PPP2R2B: variants seen among roughly 807,000 people sequenced by gnomAD.
PPP2R2B encodes serine/threonine-protein phosphatase 2A 55 kDa regulatory subunit B beta isoform.
A neutral mutation model predicts 46.0 loss-of-function variants in PPP2R2B; 5 were observed. The ratio of observed to expected loss-of-function variants is 0.11; its 90% CI spans 0.06 to 0.23. The LOEUF (loss-of-function observed/expected upper bound fraction) is 0.23, where lower values mean the gene tolerates loss of function less well. Among genes scored for constraint, PPP2R2B ranks in the 10% least tolerant of loss-of-function variants. The probability of loss-of-function intolerance (pLI) is 1.00; values close to 1 mark genes in which losing one functional copy is unlikely to be tolerated. For synonymous variants in PPP2R2B, 215 were observed against 206.7 expected, an observed-to-expected ratio of 1.04 and a Z score of -0.34; for missense variants, 367 against 575.0, an observed-to-expected ratio of 0.64 and a Z score of 3.70.
intron 1 of PPP2R2B, among the ~76,000 whole-genome samples, chr5:146,888,990 G>T (rs1329102631): frequency 1.3e-5 from 2 of 152,148 alleles, no homozygotes; most frequent in African/African-American, 4.8e-5. Context: ...ATTTGGTTTT[G>T]GTTATTACAG....
intron 2 of PPP2R2B, among the ~76,000 whole-genome samples, chr5:146,861,892 CT>C (rs1352654978): frequency 6.6e-6 from 1 of 150,536 alleles, no homozygotes; most frequent in African/African-American, 2.5e-5. Flanking sequence ...TTTCATCCCC[CT>C]CATAGCCAAT....
chr5:146,992,269 A>G (rs1250124377), intron 1 of PPP2R2B, among the ~76,000 whole-genome samples: 1 of 152,238 alleles, frequency 6.6e-6, no homozygotes, highest in African/African-American at 2.4e-5. Context: ...TGGGAAAAGG[A>G]TAGTCTCTTA....
At chr5:146,983,581 T>C (rs1753287008) in intron 1 of PPP2R2B, among the ~76,000 whole-genome samples, 1 of 152,204 alleles carries the variant, frequency 6.6e-6, no homozygotes, top group African/African-American at 2.4e-5. Flanking sequence ...ATTTTCCCAG[T>C]TCTAGTAAAC....
At chr5:147,059,217 T>C (rs1454041698), upstream of PPP2R2B, among the ~76,000 whole-genome samples, 1 of 152,148 alleles carries the variant, frequency 6.6e-6, no homozygotes, top group Non-Finnish European at 1.5e-5. Flanking sequence ...AAGCCACATA[T>C]GGGCTATGAC....
intron 2 of PPP2R2B, chr5:146,707,052 TG>T (rs1779908911): frequency 8.9e-7 from 1 of 1,129,440 alleles, no homozygotes; most frequent in Non-Finnish European, 1.3e-6. Flanking sequence ...TCTCCGTCTC[TG>T]TACTCTTATT....
At chr5:146,833,175 A>G (rs576644961) in intron 2 of PPP2R2B, among the ~76,000 whole-genome samples, 3 of 152,244 alleles carry the variant, frequency 2.0e-5, no homozygotes, top group South Asian at 4.1e-4. Flanking sequence ...TCACTTCAAA[A>G]TGCCTTTAAT....
At chr5:147,081,206 A>G in intron 1 of PPP2R2B, 1 of 1,535,536 alleles carries the variant, frequency 6.5e-7, no homozygotes, top group Non-Finnish European at 8.7e-7. Context: ...GACCAACAAG[A>G]AAAGAAATAT....
chr5:146,968,834 GAATGTATAT>G (rs1184364835), intron 1 of PPP2R2B, among the ~76,000 whole-genome samples: 18 of 152,204 alleles, frequency 1.2e-4, no homozygotes, highest in African/African-American at 3.9e-4. Flanking sequence ...CGTACAACAT[GAATGTATAT>G]CATCTCAAAA....
At chr5:146,735,414 T>C (rs537902703) in intron 2 of PPP2R2B, among the ~76,000 whole-genome samples, 2 of 151,798 alleles carry the variant, frequency 1.3e-5, no homozygotes, top group Non-Finnish European at 2.9e-5. Flanking sequence ...AAAGGCATGG[T>C]ATATACTGAC....
At position 146,897,038 on chromosome 5, in the gene PPP2R2B, T is replaced by A. The variant is rs140340001; in HGVS notation, c.79+158627A>T. 1.9e-3 allele frequency among the ~76,000 whole-genome samples: 290 copies of A among 152,218 alleles called. 1 individual carries two copies. Among genetic ancestry groups the A allele is most frequent in the African/African-American group, 6.6e-3 (275 of 41,524 alleles). On this transcript the variant is annotated intron_variant, in intron 1 of 8. Coordinates refer to the PPP2R2B transcript ENST00000336640. ...TATTTGTCATCTCCTTTTCCCAAGA[T>A]CTCTTTAAAATGATAGTAAAGAAGC...
At chr5:146,825,843 CT>C (rs1245567622) in intron 2 of PPP2R2B, among the ~76,000 whole-genome samples, 39 of 152,140 alleles carry the variant, frequency 2.6e-4, no homozygotes, top group Admixed American at 1.6e-3. Context: ...TATCATGCCA[CT>C]TTTTTTGTTG....
At chr5:146,877,906 G>A in intron 2 of PPP2R2B, 96 bp downstream of exon 2, 1 of 1,408,154 alleles carries the variant, frequency 7.1e-7, no homozygotes, top group South Asian at 1.3e-5. Context: ...GGGCCCGGAG[G>A]AGTCTCCGCC....
rs753916554 is a variant in PPP2R2B at position 146,983,263 on chromosome 5, C to T, written c.79+72402G>A. Among the ~76,000 whole-genome samples, 3 of 141,270 alleles carry T rather than the reference C, an allele frequency of 2.1e-5. No homozygotes were observed. The South Asian group carries it at 7.0e-4, about 33-fold the overall frequency. The allele number at this position is 141,270 out of a possible 152,430, so 92.7% of individuals were successfully genotyped here. On this transcript the variant is annotated intron_variant, in intron 1 of 8. Transcript: ENST00000336640. ...TGGCACAATCTCGGCTCACTGCAAG[C>T]TCCACCTCCCGGGTTCACACCATTC...
intron 2 of PPP2R2B, among the ~76,000 whole-genome samples, chr5:146,735,257 G>A (rs1289987415): frequency 3.9e-5 from 6 of 152,108 alleles, no homozygotes; most frequent in Admixed American, 3.9e-4. Flanking sequence ...GCTATGAGTT[G>A]TCAAATCCAG....
chr5:146,598,338 T>C (rs1385006972), intron 8 of PPP2R2B, among the ~76,000 whole-genome samples: 1 of 152,200 alleles, frequency 6.6e-6, no homozygotes, highest in Non-Finnish European at 1.5e-5. Flanking sequence ...CACTGGCTAG[T>C]TTCCCCAAAT....
intron 1 of PPP2R2B, among the ~76,000 whole-genome samples, chr5:146,895,148 G>T (rs544346375): frequency 1.3e-5 from 2 of 152,124 alleles, no homozygotes; most frequent in African/African-American, 2.4e-5. Flanking sequence ...TCAACTCCCC[G>T]AAAGCTCCAT....
At chr5:146,861,047 ATTTTTTCTTTTTTTT>A (rs1760957537) in intron 2 of PPP2R2B, among the ~76,000 whole-genome samples, 2 of 132,174 alleles carry the variant, frequency 1.5e-5, no homozygotes, top group African/African-American at 3.0e-5. Flanking sequence ...TTCAAACTGA[ATTTTTTCTTTTTTTT>A]TTTTTTTTTT....
At chr5:146,776,665 A>C (rs1349592925) in intron 2 of PPP2R2B, among the ~76,000 whole-genome samples, 1 of 152,094 alleles carries the variant, frequency 6.6e-6, no homozygotes, top group African/African-American at 2.4e-5. Context: ...CACCGAAATA[A>C]AAATTTCTGT....
intron 2 of PPP2R2B, among the ~76,000 whole-genome samples, chr5:146,806,199 A>T (rs1223086231): frequency 6.6e-6 from 1 of 152,166 alleles, no homozygotes; most frequent in Non-Finnish European, 1.5e-5. Flanking sequence ...GCCTTTATGC[A>T]AGGTCACCTA....
Sources: allele counts gnomAD v4.1 joint callset (sites outside exome capture counted in the v4.1 genomes callset), GRCh38; gene constraint gnomAD v4.1.1; transcripts MANE v1.5; gene names NCBI Gene and HGNC (gene_info 2026-07-23, HGNC 2026-07-21).